The following MOGAT1 variants were observed in gnomAD, a reference collection of about 807,000 sequenced individuals.
MOGAT1 encodes 2-acylglycerol O-acyltransferase 1.
Under a neutral mutation model 31.4 loss-of-function variants are expected in MOGAT1, and 32 were observed. The ratio of observed to expected loss-of-function variants is 1.02; its 90% CI spans 0.77 to 1.37. The LOEUF is 1.37. Ranked by LOEUF, MOGAT1 falls within the 40% of genes most tolerant of loss-of-function variation. The pLI is 0.00. For missense variants in MOGAT1, 426 were observed against 402.0 expected, an observed-to-expected ratio of 1.06 and a Z score of -0.51; for synonymous variants, 145 against 144.5, an observed-to-expected ratio of 1.00 and a Z score of -0.03.
chr2:222,709,662 C>A, intron 5 of MOGAT1, 74 bp from the exon 6 acceptor site: 1 of 1,373,878 alleles, frequency 7.3e-7, no homozygotes, highest in Non-Finnish European at 1.0e-6. Context: ...GTGTTCACAG[C>A]TGTGCATTAG....
At chr2:222,673,873 A>AAGATATACACGAATACTTG (rs1692460127) in intron 1 of MOGAT1, among the ~76,000 whole-genome samples, 1 of 152,182 alleles carries the variant, frequency 6.6e-6, no homozygotes, top group Admixed American at 6.5e-5. Context: ...TGGCCCATGG[A>AAGATATACACGAATACTTG]AGATATACAC....
chr2:222,695,651 T>C (rs1181049893), intron 5 of MOGAT1, among the ~76,000 whole-genome samples: 1 of 152,248 alleles, frequency 6.6e-6, no homozygotes, highest in Admixed American at 6.5e-5. Flanking sequence ...AACATTTCTG[T>C]ATGATAAGTG....
At chr2:222,705,066 A>G (rs865987430) in intron 5 of MOGAT1, among the ~76,000 whole-genome samples, 29 of 152,198 alleles carry the variant, frequency 1.9e-4, no homozygotes, top group Admixed American at 1.0e-3. Flanking sequence ...TTTCTTGATT[A>G]TATGCGAAAC....
rs760172510 is a variant in MOGAT1 at position 222,688,512 on chromosome 2, T to G, written c.263T>G (p.Phe88Cys). Reference protein sequence around the residue: ...WTLWKHFKDYFPIHLIKTQDL... With the variant: ...WTLWKHFKDYCPIHLIKTQDL... ...CTTTGGAAACACTTTAAGGACTATTTTCCAATTCATGTGAGTACAGTTGTT... is the reference window on the plus strand; with the variant it reads ...CTTTGGAAACACTTTAAGGACTATTGTCCAATTCATGTGAGTACAGTTGTT... The change falls in exon 2 of 6, where the codon TTT becomes TGT. Residue 88 changes from phenylalanine to cysteine, a missense_variant. Physicochemically the swap from Phe to Cys is radical, Grantham distance 205. Coordinates refer to ENST00000446656, the MANE Select transcript of MOGAT1 (RefSeq NM_058165.3). 33 of 1,609,286 alleles carry G rather than the reference T, an allele frequency of 2.1e-5. No individual in the cohort carries two copies. The highest frequency in any genetic ancestry group is 2.8e-5 in the Non-Finnish European group (33 of 1,178,106).
At chr2:222,698,593 T>C (rs924305618) in intron 5 of MOGAT1, 3 of 152,230 alleles carry the variant, frequency 2.0e-5, no homozygotes, top group African/African-American at 7.2e-5. Context: ...TTTCCTACTC[T>C]GTTGTTGGTA....
chr2:222,692,604 T>C (rs1378238107), intron 3 of MOGAT1, among the ~76,000 whole-genome samples: 4 of 152,196 alleles, frequency 2.6e-5, no homozygotes, highest in African/African-American at 9.6e-5. Flanking sequence ...TGTAGAGCTG[T>C]CAATTGGGCA....
intron 1 of MOGAT1, among the ~76,000 whole-genome samples, chr2:222,685,686 C>T (rs201628986): frequency 2.0e-5 from 3 of 150,170 alleles, no homozygotes; most frequent in Admixed American, 2.0e-4. Flanking sequence ...CTACAACCTC[C>T]GTCTCTTGGG....
chr2:222,692,977 C>G (rs569446902), intron 3 of MOGAT1, among the ~76,000 whole-genome samples: 1 of 152,318 alleles, frequency 6.6e-6, no homozygotes, highest in South Asian at 2.1e-4. Context: ...GGCTCTCTAC[C>G]TCTAACCCAG....
In MOGAT1 at chr2:222,705,442, C is replaced by G. The variant is rs564525235; in HGVS notation, c.854-4294C>G. On this transcript the variant is annotated intron_variant, in intron 5 of 5. Transcript: ENST00000446656. ...CAATAGGGCTAGGATTTGAAGCAAG[C>G]TAGGGGCCCTCAGAGCCAAGGCCCT... is the stretch of plus-strand genomic sequence containing the variant. 1.1e-4 allele frequency among the ~76,000 whole-genome samples: 17 copies of G among 152,300 alleles called. No individual in the cohort carries two copies. The East Asian group carries it at 3.3e-3, about 29-fold the overall frequency.
chr2:222,700,374 A>G (rs911814728), intron 5 of MOGAT1, among the ~76,000 whole-genome samples: 3 of 152,224 alleles, frequency 2.0e-5, no homozygotes, highest in African/African-American at 4.8e-5. Context: ...GAAAACTGCA[A>G]CTGTATTAAC....
intron 5 of MOGAT1, among the ~76,000 whole-genome samples, chr2:222,703,230 A>C (rs190920520): frequency 1.3e-5 from 2 of 152,340 alleles, no homozygotes; most frequent in Admixed American, 6.5e-5. Context: ...AGTTATTTTA[A>C]TAAGGTCTGA....
chr2:222,695,918 C>G (rs140015800), intron 5 of MOGAT1, among the ~76,000 whole-genome samples: 125 of 152,124 alleles, frequency 8.2e-4, no homozygotes, highest in African/African-American at 2.3e-3. Context: ...CACCCCTCTT[C>G]CACTCTTTCC....
intron 1 of MOGAT1, among the ~76,000 whole-genome samples, chr2:222,687,834 T>C (rs1001334801): frequency 2.6e-5 from 4 of 152,190 alleles, no homozygotes; most frequent in Admixed American, 6.5e-5. Flanking sequence ...TTTTCTGTAG[T>C]AGGAAATTCT....
intron 2 of MOGAT1, 58 bp from the exon 3 acceptor site, chr2:222,689,207 T>C (rs980085246): frequency 2.9e-6 from 4 of 1,398,956 alleles, no homozygotes; most frequent in Admixed American, 2.5e-5. Flanking sequence ...TTGTTTCTCA[T>C]TGGAAAATAA....
Position 222,671,862 on chromosome 2 carries a change from T to G in MOGAT1, c.77T>G (p.Leu26Arg), listed in dbSNP as rs748131014. Reference protein sequence around the residue: ...LQTVAVLQWVLKYLLLGPMSI... With the variant: ...LQTVAVLQWVRKYLLLGPMSI... The stretch of plus-strand genomic sequence containing the variant: ...ACGGTGGCCGTGCTGCAGTGGGTCC[T>G]GAAATACCTGCTGCTCGGTAAGGAC... Residue 26 changes from leucine to arginine, a missense_variant, in exon 1 of 6, where the codon CTG (leucine) becomes CGG (arginine). Physicochemically the swap from Leu to Arg is moderately radical, Grantham distance 102. Transcript: ENST00000446656. 448 of 1,551,488 alleles carry G rather than the reference T, an allele frequency of 2.9e-4. No homozygotes were observed. Among genetic ancestry groups the G allele is most frequent in the Non-Finnish European group, 3.7e-4 (424 of 1,147,184 alleles).
At chr2:222,674,160 G>A (rs1339688040) in intron 1 of MOGAT1, among the ~76,000 whole-genome samples, 1 of 152,208 alleles carries the variant, frequency 6.6e-6, no homozygotes, top group Non-Finnish European at 1.5e-5. Flanking sequence ...TAGTGACGAG[G>A]ACATGGCAGA....
intron 2 of MOGAT1, 133 bp downstream of exon 2, chr2:222,688,655 C>G: frequency 1.5e-6 from 1 of 656,526 alleles, no homozygotes. Flanking sequence ...TAACAGAATA[C>G]CAAAGACTAG....
intron 5 of MOGAT1, among the ~76,000 whole-genome samples, chr2:222,703,254 G>C (rs1692954264): frequency 6.6e-6 from 1 of 152,194 alleles, no homozygotes; most frequent in Non-Finnish European, 1.5e-5. Context: ...GATTTCTCTT[G>C]GCCTGTCTCC....
At chr2:222,692,979 C>G (rs1450771661) in intron 3 of MOGAT1, among the ~76,000 whole-genome samples, 1 of 152,222 alleles carries the variant, frequency 6.6e-6, no homozygotes, top group Non-Finnish European at 1.5e-5. Context: ...CTCTCTACCT[C>G]TAACCCAGCA....
Sources: gnomAD v4.1 joint callset for allele counts (sites outside exome capture counted in the v4.1 genomes callset) on GRCh38, gnomAD v4.1.1 for gene constraint, MANE v1.5 for transcripts, NCBI Gene and HGNC (gene_info 2026-07-23, HGNC 2026-07-21) for gene names.